POLA1: variants seen among roughly 807,000 people sequenced by gnomAD.
POLA1 encodes the protein DNA polymerase alpha catalytic subunit.
In POLA1, 15 loss-of-function variants were observed where a neutral mutation model predicts 124.0. The observed-to-expected ratio is 0.12, with a 90% CI of 0.08 to 0.19. The LOEUF (loss-of-function observed/expected upper bound fraction) is 0.19. POLA1 is among the 10% of genes least tolerant of loss of function. The pLI is 1.00. For synonymous variants in POLA1, 408 were observed against 389.4 expected (o/e 1.05, Z -0.56); for missense variants, 886 against 1,103.4 (o/e 0.80, Z 2.79).
rs2046900095 is a variant in POLA1 at position 24,873,919 on chromosome X, G to A, written c.4048-14087G>A. Among the ~76,000 whole-genome samples the A allele has an allele frequency of 1.8e-5, 2 of 111,736 alleles. 1 individual carries two copies. Among genetic ancestry groups the A allele is most frequent in the Admixed American group, 1.9e-4 (2 of 10,480 alleles). On this transcript the variant is annotated intron_variant, in intron 34 of 36. Coordinates refer to ENST00000379068, the MANE Select transcript of POLA1 (RefSeq NM_001330360.2). Reference sequence around the variant, plus strand: ...TTTTTGAACTAAGTCTTTGAAATTTGCTGTATATTTTACACTTGCAGCCCA... The same window carrying A: ...TTTTTGAACTAAGTCTTTGAAATTTACTGTATATTTTACACTTGCAGCCCA...
rs1250719603 is a variant in POLA1, at chrX:24,741,433, T to G, written c.2275T>G (p.Leu759Val). 1.1e-5 allele frequency: 13 copies of G among 1,192,970 alleles called. No homozygotes were observed. The highest frequency in any genetic ancestry group is 8.0e-6 in the Non-Finnish European group (7 of 879,910). The change falls in exon 21 of 37, where the codon TTG (leucine) becomes GTG (valine). Residue 759 changes from leucine (L) to valine (V), a missense_variant. Physicochemically the swap from Leu to Val is conservative, Grantham distance 32 (BLOSUM62 1). Coordinates refer to ENST00000379068, the MANE Select transcript of POLA1 (RefSeq NM_001330360.2). ...CACCTGGAAAGATGCCAAGTTCATT[T>G]TGCAGATCATGTGTGAGCTAAATGT... ...EHTWKDAKFI[L>V]QIMCELNVLP...
chrX:24,839,952 T>G (rs1047776014), intron 32 of POLA1, among the ~76,000 whole-genome samples: 1 of 112,083 alleles, frequency 8.9e-6, no homozygotes, highest in Admixed American at 9.5e-5. Context: ...CCTCTGACCA[T>G]CCTTAGCTTT....
At chrX:24,910,409 T>C (rs779140915) in intron 35 of POLA1, among the ~76,000 whole-genome samples, 6 of 110,576 alleles carry the variant, frequency 5.4e-5, no homozygotes, top group African/African-American at 1.3e-4. Context: ...TTTTGAGATA[T>C]GTCCCATCAA....
rs184477391 is a variant in POLA1 at position 24,739,547 on chromosome X, A to G, written c.2213A>G (p.Tyr738Cys). The G allele has an allele frequency of 3.5e-6, 4 of 1,134,694 alleles. No homozygotes were observed. In the African/African-American group the frequency reaches 7.2e-5, roughly 20 times the overall value. The allele number at this position is 1,134,694 out of a possible 1,213,427, so 93.5% of individuals were successfully genotyped here. A position where few individuals can be genotyped will look rare whatever the true frequency, so the allele number is the denominator to read the frequency against. ...CCAATGGAAAATATACAAAATATGT[A>G]CAGGTATGATCCTAGATTCTTCAGA... ...VIPMENIQNM[Y>C]SESSQLLYLL... The change falls in exon 20 of 37, where the codon TAC (tyrosine) becomes TGC (cysteine). Residue 738 changes from tyrosine to cysteine, a missense_variant. Transcript: ENST00000379068.
chrX:24,744,479 G>T (rs1227627675), intron 23 of POLA1: 4 of 348,335 alleles, frequency 1.1e-5, no homozygotes, highest in Admixed American at 6.5e-5. Flanking sequence ...TCAAGGTGAA[G>T]ATAACTCTTT....
chrX:24,836,903 A>C (rs1225455320), intron 32 of POLA1, among the ~76,000 whole-genome samples: 1 of 111,822 alleles, frequency 8.9e-6, no homozygotes, highest in Non-Finnish European at 1.9e-5. Flanking sequence ...TTTTATATAC[A>C]TCTTATACAC....
chrX:24,794,463 A>G (rs2045570054), intron 26 of POLA1, among the ~76,000 whole-genome samples: 1 of 112,304 alleles, frequency 8.9e-6, no homozygotes, highest in African/African-American at 3.2e-5. Context: ...AATATTCTCA[A>G]GCTGACATAT....
chrX:24,958,744 A>G (rs1413400677), intron 36 of POLA1, among the ~76,000 whole-genome samples: 2 of 112,098 alleles, frequency 1.8e-5, no homozygotes, highest in African/African-American at 6.5e-5. Flanking sequence ...CTGAGATGCC[A>G]GCAGTCATTT....
intron 34 of POLA1, among the ~76,000 whole-genome samples, chrX:24,863,946 G>A (rs751115953): frequency 8.9e-5 from 9 of 101,628 alleles, no homozygotes; most frequent in African/African-American, 2.9e-4. Context: ...TTTCATTTTC[G>A]TTTTTCTGGA....
intron 32 of POLA1, among the ~76,000 whole-genome samples, chrX:24,831,586 A>G (rs1236400656): frequency 9.2e-6 from 1 of 108,951 alleles, no homozygotes; most frequent in Non-Finnish European, 1.9e-5. Flanking sequence ...ACACCTGGCT[A>G]ATTTTTGTAT....
chrX:24,741,890 G>A (rs11573365), intron 21 of POLA1, 112 bp from the exon 22 acceptor site: 16 of 520,172 alleles, frequency 3.1e-5, no homozygotes, highest in Admixed American at 7.9e-5. Flanking sequence ...AAAGCAGACC[G>A]TTATTAGGAA....
intron 3 of POLA1, among the ~76,000 whole-genome samples, chrX:24,703,648 T>C (rs865949674): frequency 1.8e-5 from 2 of 111,973 alleles, no homozygotes; most frequent in South Asian, 3.7e-4. Flanking sequence ...GTGGGGCCAA[T>C]GCACAGCGCT....
intron 10 of POLA1, 71 bp downstream of exon 10, chrX:24,717,829 T>A: frequency 1.4e-6 from 1 of 708,526 alleles, no homozygotes; most frequent in Non-Finnish European, 2.0e-6. Flanking sequence ...TTTTATTTTT[T>A]GTTTCTTTTT....
chrX:24,732,593 T>G, intron 16 of POLA1, 139 bp downstream of exon 16: 1 of 334,341 alleles, frequency 3.0e-6, no homozygotes, highest in Non-Finnish European at 5.1e-6. Context: ...GGTTTTGTTT[T>G]TTTTTGTTTT....
intron 4 of POLA1, among the ~76,000 whole-genome samples, chrX:24,708,343 C>T (rs1188148878): frequency 9.5e-6 from 1 of 104,888 alleles, no homozygotes; most frequent in Non-Finnish European, 2.0e-5. Flanking sequence ...TCCTACAATC[C>T]TTTTCACAAT....
In POLA1 at chrX:24,737,683, A is replaced by G. The variant is rs781540256; in HGVS notation, c.1982A>G (p.Lys661Arg). ...CTACTGCAGAGAATTAATGTGTGCA[A>G]AGCTCCTCACTGGTCCAAGATAGGT... Reference protein sequence around the residue: ...EVLLQRINVCKAPHWSKIGRL... With the variant: ...EVLLQRINVCRAPHWSKIGRL... The change falls in exon 19 of 37, where the codon AAA becomes AGA. Residue 661 changes from lysine to arginine, a missense_variant. Coordinates refer to ENST00000379068, the MANE Select transcript of POLA1 (RefSeq NM_001330360.2). 15 of 1,186,315 alleles carry G rather than the reference A, an allele frequency of 1.3e-5. No individual in the cohort carries two copies. The highest frequency in any genetic ancestry group is 4.4e-5 in the Admixed American group (2 of 45,793).
chrX:24,790,786 G>A (rs1189695003), intron 26 of POLA1, among the ~76,000 whole-genome samples: 1 of 108,826 alleles, frequency 9.2e-6, no homozygotes, highest in Non-Finnish European at 1.9e-5. Context: ...GTAAAATTGA[G>A]AATATGCAAG....
intron 34 of POLA1, among the ~76,000 whole-genome samples, chrX:24,881,590 A>G (rs2047001344): frequency 9.0e-6 from 1 of 111,389 alleles, no homozygotes; most frequent in African/African-American, 3.3e-5. Flanking sequence ...TGTGGTAGAG[A>G]CTGGGGAGGA....
At chrX:24,994,099 G>A (rs910902822) in intron 36 of POLA1, among the ~76,000 whole-genome samples, 3 of 112,491 alleles carry the variant, frequency 2.7e-5, no homozygotes, top group African/African-American at 9.7e-5. Flanking sequence ...CATGCACGGG[G>A]TTGCTGGCCT....
Sources: allele counts gnomAD v4.1 joint callset (sites outside exome capture counted in the v4.1 genomes callset), GRCh38; gene constraint gnomAD v4.1.1; transcripts MANE v1.5; gene names NCBI Gene and HGNC (gene_info 2026-07-23, HGNC 2026-07-21).